Variants in MYO16 observed in about 807,000 individuals in gnomAD.
MYO16 encodes unconventional myosin-XVI.
MYO16 carries 94 observed loss-of-function variants against 205.3 expected under a neutral mutation model. The observed-to-expected ratio is 0.46, with a 90% CI of 0.39 to 0.54. The LOEUF is 0.54. MYO16 is among the 20% of genes least tolerant of loss of function. MYO16 has a pLI of 0.00. For synonymous variants in MYO16, 988 were observed against 954.0 expected (o/e 1.04, Z -0.66); for missense variants, 2,315 against 2,387.5 (o/e 0.97, Z 0.63).
intron 7 of MYO16, among the ~76,000 whole-genome samples, chr13:108,814,327 G>T (rs1305596860): frequency 6.6e-6 from 1 of 151,902 alleles, no homozygotes; most frequent in African/African-American, 2.4e-5. Context: ...ACTAATTTTT[G>T]ACTTTCATTG....
intron 16 of MYO16, among the ~76,000 whole-genome samples, chr13:108,931,722 T>C (rs1272912186): frequency 6.6e-6 from 1 of 152,214 alleles, no homozygotes; most frequent in Non-Finnish European, 1.5e-5. Flanking sequence ...GAATAAATGT[T>C]GCTCTGTGCA....
intron 32 of MYO16, among the ~76,000 whole-genome samples, chr13:109,145,953 A>T (rs1368900793): frequency 6.6e-6 from 1 of 152,240 alleles, no homozygotes; most frequent in Non-Finnish European, 1.5e-5. Flanking sequence ...AATATTTTTT[A>T]AAAATTCAGT....
chr13:108,575,717 C>G, the MYO16 span, among the ~76,000 whole-genome samples: 1 of 152,142 alleles, frequency 6.6e-6, no homozygotes, highest in Non-Finnish European at 1.5e-5. Flanking sequence ...GCAATGGTCC[C>G]CTGCCCGCCC....
intron 31 of MYO16, among the ~76,000 whole-genome samples, chr13:109,128,768 G>GTTTTTTTTTTTTT (rs1172405612): frequency 8.7e-6 from 1 of 115,016 alleles, no homozygotes; most frequent in Non-Finnish European, 1.8e-5. Flanking sequence ...CACTTTTTTA[G>GTTTTTTTTTTTTT]TTTTTTTTTT....
intron 21 of MYO16, among the ~76,000 whole-genome samples, chr13:109,008,050 A>G (rs186024258): frequency 1.3e-5 from 2 of 152,322 alleles, no homozygotes; most frequent in East Asian, 3.9e-4. Flanking sequence ...CGTTTGTAAT[A>G]TTGGAATCAT....
chr13:108,946,956 C>A (rs1297893289), intron 16 of MYO16, among the ~76,000 whole-genome samples: 2 of 152,006 alleles, frequency 1.3e-5, no homozygotes. Context: ...TTCTTTTAGT[C>A]CTGCTAAGCT....
chr13:108,765,261 G>GTAT (rs1242441871), intron 4 of MYO16, among the ~76,000 whole-genome samples: 2 of 152,024 alleles, frequency 1.3e-5, no homozygotes, highest in African/African-American at 4.8e-5. Flanking sequence ...ATATCATTAA[G>GTAT]TATTGTTAAT....
At chr13:109,145,268 G>A (rs76667004) in intron 32 of MYO16, among the ~76,000 whole-genome samples, 69 of 152,206 alleles carry the variant, frequency 4.5e-4, no homozygotes, top group Admixed American at 1.4e-3. Context: ...TGCTGTGCTC[G>A]TGCGGGACAG....
the MYO16 span, among the ~76,000 whole-genome samples, chr13:108,553,005 CTTTTTTTTTTTTTTT>C: frequency 2.2e-4 from 14 of 64,912 alleles, no homozygotes; most frequent in East Asian, 6.5e-4. Flanking sequence ...CTTTAATACT[CTTTTTTTTTTTTTTT>C]TTTTTTTTTT....
At chr13:109,202,738 T>C (rs901795868) in intron 34 of MYO16, among the ~76,000 whole-genome samples, 1 of 152,082 alleles carries the variant, frequency 6.6e-6, no homozygotes, top group African/African-American at 2.4e-5. Flanking sequence ...AAAGCCCACA[T>C]AGCCAAAGCA....
At chr13:108,700,558 C>T (rs912914556) in intron 2 of MYO16, among the ~76,000 whole-genome samples, 1 of 152,210 alleles carries the variant, frequency 6.6e-6, no homozygotes, top group Admixed American at 6.5e-5. Flanking sequence ...GGGTTTGGAT[C>T]TCCTCCAAAA....
intron 2 of MYO16, among the ~76,000 whole-genome samples, chr13:108,681,049 A>G (rs560207544): frequency 6.6e-6 from 1 of 152,312 alleles, no homozygotes; most frequent in East Asian, 1.9e-4. Flanking sequence ...CACTGCTCTA[A>G]AATTTCCTCT....
chr13:108,718,432 C>T (rs1456165954), intron 3 of MYO16, among the ~76,000 whole-genome samples: 1 of 151,636 alleles, frequency 6.6e-6, no homozygotes, highest in Admixed American at 6.6e-5. Flanking sequence ...GAAGGTATTC[C>T]ACACGGGGCC....
At chr13:108,499,540 C>T in the MYO16 span, among the ~76,000 whole-genome samples, 1 of 152,178 alleles carries the variant, frequency 6.6e-6, no homozygotes, top group Non-Finnish European at 1.5e-5. Flanking sequence ...GCTAGAGCCA[C>T]TTCTCTTTCC....
At chr13:108,739,782 ATAGAT>A (rs1221118449) in intron 4 of MYO16, among the ~76,000 whole-genome samples, 1 of 151,470 alleles carries the variant, frequency 6.6e-6, no homozygotes, top group Non-Finnish European at 1.5e-5. Context: ...CCAGTCAGAC[ATAGAT>A]TTGGTCTTTT....
intron 1 of MYO16, among the ~76,000 whole-genome samples, chr13:108,636,194 A>G (rs1356613062): frequency 1.3e-5 from 2 of 152,140 alleles, no homozygotes; most frequent in African/African-American, 2.4e-5. Context: ...GTTACACTGT[A>G]TTCATTATCT....
intron 16 of MYO16, among the ~76,000 whole-genome samples, chr13:108,930,452 A>T (rs1160442515): frequency 1.3e-5 from 2 of 152,228 alleles, no homozygotes; most frequent in East Asian, 1.9e-4. Context: ...GCAGTCCATT[A>T]AATACTCAAT....
rs777461771 is a variant in MYO16 at position 108,909,872 on chromosome 13, A to G, written c.1778-131A>G. ...AGCTAATGCAAAAAGACAATAAAAT[A>G]AAATGTAAATAGATGGGAAAGGGAG... On this transcript the variant is annotated intron_variant, in intron 15 of 34. Coordinates refer to ENST00000457511, the MANE Select transcript of MYO16 (RefSeq NM_001198950.3). 6.1e-6 allele frequency: 6 copies of G among 982,578 alleles called. No individual in the cohort carries two copies. The African/African-American group carries it at 6.6e-5, about 11-fold the overall frequency. 60.9% of individuals were successfully genotyped at this position (982,578 alleles called of 1,614,324 possible). A position where few individuals can be genotyped will look rare whatever the true frequency, so the allele number is the denominator to read the frequency against.
At chr13:109,048,362 G>T (rs763684862) in intron 24 of MYO16, 2 of 758,400 alleles carry the variant, frequency 2.6e-6, no homozygotes, top group Non-Finnish European at 4.9e-6. Flanking sequence ...TGAGCAAAAG[G>T]ACAGAATTTA....
Sources: allele counts gnomAD v4.1 joint callset (sites outside exome capture counted in the v4.1 genomes callset), GRCh38; gene constraint gnomAD v4.1.1; transcripts MANE v1.5; gene names NCBI Gene and HGNC (gene_info 2026-07-23, HGNC 2026-07-21).